Variants in SFPQ observed in about 807,000 individuals in gnomAD.
The protein encoded by SFPQ is splicing factor, proline- and glutamine-rich.
SFPQ carries 11 observed loss-of-function variants against 72.9 expected under a neutral mutation model. That is an observed-to-expected ratio of 0.15 (90% CI 0.09 to 0.25). The LOEUF (loss-of-function observed/expected upper bound fraction) is 0.25, where lower values mean the gene tolerates loss of function less well. Among genes scored for constraint, SFPQ ranks in the 10% least tolerant of loss-of-function variants. SFPQ has a pLI of 1.00. For missense variants in SFPQ, 847 were observed against 993.3 expected (o/e 0.85, Z 1.98); for synonymous variants, 506 against 367.3 (o/e 1.38, Z -4.32).
chr1:35,192,820 GGCTGCTGCGGTGGTGGCTGTT>G lies in SFPQ; in HGVS notation c.209_229del (p.Gln70_Gln76del), dbSNP rs754537179. On this transcript the variant is annotated inframe_deletion, in exon 1 of 10. Transcript: ENST00000357214. Reference sequence around the variant, plus strand: ...ATGCGGTGGCGGCTGCTGCGGCGGTGGCTGCTGCGGTGGTGGCTGTTGCTGCTGTTGGTGTGGAGGCGGTGG... The same window carrying G: ...ATGCGGTGGCGGCTGCTGCGGCGGTGGCTGCTGTTGGTGTGGAGGCGGTGG... The G allele has an allele frequency of 6.6e-7, 1 of 1,507,406 alleles. No individual in the cohort carries two copies. The highest frequency in any genetic ancestry group is 8.8e-7 in the Non-Finnish European group (1 of 1,134,768). 93.4% of individuals were successfully genotyped at this position (1,507,406 alleles called of 1,614,324 possible). A position where few individuals can be genotyped will look rare whatever the true frequency, so the allele number is the denominator to read the frequency against.
rs1639570518 is a variant in SFPQ at position 35,183,536 on chromosome 1, C to T, written c.*920G>A. 3 of 1,015,218 alleles carry T rather than the reference C, an allele frequency of 3.0e-6. No individual in the cohort carries two copies. The highest frequency in any genetic ancestry group is 3.5e-6 in the Non-Finnish European group (3 of 847,302). 62.9% of individuals were successfully genotyped at this position (1,015,218 alleles called of 1,614,324 possible). ...CCGGCCCAGTTACTAAACCTTCTTA[C>T]TTTCAAGTTTTGTTTTTTAGACTAC... On this transcript the variant is annotated 3_prime_UTR_variant, in exon 10 of 10. Transcript: ENST00000357214.
At chr1:35,181,814 G>A (rs1639481400), downstream of SFPQ, 1 of 984,528 alleles carries the variant, frequency 1.0e-6, no homozygotes, top group Admixed American at 6.2e-5. Context: ...ATTCACATTA[G>A]GCTAAAAACT....
At chr1:35,189,538 T>C (rs1052600240) in intron 4 of SFPQ, among the ~76,000 whole-genome samples, 156 bp from the exon 5 acceptor site, 77 of 152,286 alleles carry the variant, frequency 5.1e-4, no homozygotes, top group African/African-American at 1.9e-3. Context: ...ACAGCAAAAA[T>C]ACTCAGAACA....
At position 35,192,507 on chromosome 1, in the gene SFPQ, G is replaced by A; in HGVS notation, c.543C>T (p.Ala181=). The A allele has an allele frequency of 1.5e-6, 2 of 1,328,894 alleles. No individual in the cohort carries two copies. The highest frequency in any genetic ancestry group is 4.2e-5 in the Admixed American group (1 of 24,070). The allele number at this position is 1,328,894 out of a possible 1,614,324, so 82.3% of individuals were successfully genotyped here. Residue 181 remains alanine (A), a synonymous_variant, in exon 1 of 10, where the codon GCC becomes GCT. Transcript: ENST00000357214. The part of the protein sequence containing the change: ...SSGVPTTPPQ[A]GGPPPPPAAV... ...CCGCGGGCGGAGGCGGCGGGCCTCCGGCCTGAGGAGGTGTGGTAGGGACCC... is the reference window on the plus strand; with the variant it reads ...CCGCGGGCGGAGGCGGCGGGCCTCCAGCCTGAGGAGGTGTGGTAGGGACCC...
At chr1:35,179,252 G>A, downstream of SFPQ, 1 of 1,061,268 alleles carries the variant, frequency 9.4e-7, no homozygotes, top group Non-Finnish European at 1.1e-6. Context: ...TAGGAGACAT[G>A]CAACCCCCAT....
intron 9 of SFPQ, among the ~76,000 whole-genome samples, chr1:35,185,301 T>C (rs750466046): frequency 6.6e-6 from 1 of 152,232 alleles, no homozygotes; most frequent in Admixed American, 6.5e-5. Context: ...ACGTTCTCAG[T>C]ACTATTCTAT....
chr1:35,192,200 C>G (rs1443984819), intron 1 of SFPQ, 22 bp downstream of exon 1: 3 of 1,384,710 alleles, frequency 2.2e-6, no homozygotes, highest in African/African-American at 3.1e-5. Context: ...GGAGCCGACG[C>G]GTCGCTCCCA....
In SFPQ at chr1:35,183,023, C is replaced by A; in HGVS notation, c.*1433G>T. On this transcript the variant is annotated 3_prime_UTR_variant, in exon 10 of 10. Coordinates refer to ENST00000357214, the MANE Select transcript of SFPQ (RefSeq NM_005066.3). ...CTCCAGATTTAGTGCTACATGAAAA[C>A]GAAACTATGTGAAAACAAGTTAAAT... is the stretch of plus-strand genomic sequence containing the variant. 1 of 1,035,684 alleles carries A rather than the reference C, an allele frequency of 9.7e-7. No individual in the cohort carries two copies. The highest frequency in any genetic ancestry group is 1.2e-6 in the Non-Finnish European group (1 of 860,658). 64.2% of individuals were successfully genotyped at this position (1,035,684 alleles called of 1,614,324 possible). A position where few individuals can be genotyped will look rare whatever the true frequency, so the allele number is the denominator to read the frequency against.
chr1:35,184,242 AAAAT>A lies in SFPQ; in HGVS notation c.*210_*213del, dbSNP rs1396631446. 6.8e-5 allele frequency: 91 copies of A among 1,328,710 alleles called. No homozygotes were observed. The highest frequency in any genetic ancestry group is 8.5e-5 in the Non-Finnish European group (89 of 1,047,884). 82.3% of individuals were successfully genotyped at this position (1,328,710 alleles called of 1,614,324 possible). A position where few individuals can be genotyped will look rare whatever the true frequency, so the allele number is the denominator to read the frequency against. On this transcript the variant is annotated 3_prime_UTR_variant, in exon 10 of 10. Transcript: ENST00000357214. Reference sequence around the variant, plus strand: ...AGGGACATTATACAGTAAAAAAGAAAAAATAAAGAAATAAAAAGGAAAAAAAAAT... The same window carrying A: ...AGGGACATTATACAGTAAAAAAGAAAAAAGAAATAAAAAGGAAAAAAAAAT...
Position 35,189,102 on chromosome 1 carries a change from A to G in SFPQ, c.1613-15T>C, listed in dbSNP as rs778336226. 1.2e-6 allele frequency: 2 copies of G among 1,613,384 alleles called. No individual in the cohort carries two copies. The highest frequency in any genetic ancestry group is 1.7e-5 in the Admixed American group (1 of 60,004). On this transcript the variant is annotated splice_polypyrimidine_tract_variant and intron_variant, in intron 5 of 9. Transcript: ENST00000357214. The stretch of plus-strand genomic sequence containing the variant: ...TCTCATCAGATCTGAACATTGGAAA[A>G]TATTTGGATTCACATTAACAAGGTT...
At chr1:35,189,638 A>AT (rs1307675880) in intron 4 of SFPQ, among the ~76,000 whole-genome samples, 2 of 151,956 alleles carry the variant, frequency 1.3e-5, no homozygotes, top group African/African-American at 2.4e-5. Context: ...ACCGAGGCTT[A>AT]TTTTTTCCAC....
chr1:35,180,267 C>G, downstream of SFPQ: 1 of 1,050,316 alleles, frequency 9.5e-7, no homozygotes, highest in South Asian at 4.6e-5. Flanking sequence ...GAAGTGAGGT[C>G]TGGAACAACA....
At chr1:35,179,369 G>C (rs1423167629), downstream of SFPQ, 2 of 1,057,172 alleles carry the variant, frequency 1.9e-6, no homozygotes, top group Non-Finnish European at 2.3e-6. Flanking sequence ...AGCACCCATT[G>C]CATTTCTTTC....
rs1639949528 is a variant in SFPQ at position 35,190,601 on chromosome 1, C to CA, written c.1320-9dup. On this transcript the variant is annotated splice_polypyrimidine_tract_variant and intron_variant, in intron 3 of 9. Transcript: ENST00000357214. ...ATGACTGGACGAGGAGTTCTAATAA[C>CA]AAAAATGGTTCCATCTTAGCTTTGT... 6.2e-7 allele frequency: 1 copy of CA among 1,610,210 alleles called. No homozygotes were observed. The highest frequency in any genetic ancestry group is 1.3e-5 in the African/African-American group (1 of 74,824).
At position 35,191,356 on chromosome 1, in the gene SFPQ, G is replaced by A; in HGVS notation, c.1002C>T (p.Phe334=). 1 of 1,613,498 alleles carries A rather than the reference G, an allele frequency of 6.2e-7. No individual in the cohort carries two copies. Among genetic ancestry groups the A allele is most frequent in the Non-Finnish European group, 8.5e-7 (1 of 1,179,626 alleles). ...GEVFINKGKG[F]GFIKLESRAL... is the part of the protein sequence containing the mutation. ...TTACACTCACAAGCTTAATAAATCC[G>A]AATCCTTTGCCTTTGTTGATAAAAA... The change falls in exon 2 of 10, where the codon TTC becomes TTT. Residue 334 remains phenylalanine (F), a synonymous_variant. Coordinates refer to ENST00000357214, the MANE Select transcript of SFPQ (RefSeq NM_005066.3).
chr1:35,183,692 G>C lies in SFPQ; in HGVS notation c.*764C>G. ...GTTGGTCTTTTAAAAACAAGAAATG[G>C]GGAAATGCAACAAAATGACCTTTCC... On this transcript the variant is annotated 3_prime_UTR_variant, in exon 10 of 10. Coordinates refer to ENST00000357214, the MANE Select transcript of SFPQ (RefSeq NM_005066.3). 1 of 1,042,248 alleles carries C rather than the reference G, an allele frequency of 9.6e-7. No individual in the cohort carries two copies. The highest frequency in any genetic ancestry group is 1.2e-6 in the Non-Finnish European group (1 of 864,568). The allele number at this position is 1,042,248 out of a possible 1,614,324, so 64.6% of individuals were successfully genotyped here.
Position 35,187,987 on chromosome 1 carries a change from C to A in SFPQ, c.1801G>T (p.Gly601Cys), listed in dbSNP as rs1419878700. 1.2e-6 allele frequency: 2 copies of A among 1,612,708 alleles called. No homozygotes were observed. Among genetic ancestry groups the A allele is most frequent in the Non-Finnish European group, 1.7e-6 (2 of 1,178,718 alleles). The part of the protein sequence containing the change: ...RQREESYSRM[G>C]YMDPRERDMR... ...GGCTGACTTACTGGATCCATGTAGC[C>A]CATTCGGCTGTAACTTTCCTCTCTT... Residue 601 changes from glycine (G) to cysteine (C), a missense_variant, in exon 7 of 10, where the codon GGC (glycine) becomes TGC (cysteine). Transcript: ENST00000357214.
Position 35,184,301 on chromosome 1 carries a change from T to C in SFPQ, c.*155A>G. ...CTGTTCCAAACACTGCATTACATAA[T>C]TTTACCTGCCCAAACAGACCATTTA... On this transcript the variant is annotated 3_prime_UTR_variant, in exon 10 of 10. Transcript: ENST00000357214. The C allele has an allele frequency of 7.0e-7, 1 of 1,437,588 alleles. No individual in the cohort carries two copies. The allele number at this position is 1,437,588 out of a possible 1,614,324, so 89.1% of individuals were successfully genotyped here.
Position 35,187,189 on chromosome 1 carries a change from A to T in SFPQ, c.1864+14T>A. 6.2e-7 allele frequency: 1 copy of T among 1,614,022 alleles called. No individual in the cohort carries two copies. The highest frequency in any genetic ancestry group is 8.5e-7 in the Non-Finnish European group (1 of 1,179,970). On this transcript the variant is annotated intron_variant, in intron 8 of 9. Transcript: ENST00000357214. The stretch of plus-strand genomic sequence containing the variant: ...ACTCTCTACTTATATCATTAATTTA[A>T]ATTTCACACTTACCTCCCATGTTCA...
Sources: gnomAD v4.1 joint callset for allele counts (sites outside exome capture counted in the v4.1 genomes callset) on GRCh38, gnomAD v4.1.1 for gene constraint, MANE v1.5 for transcripts, NCBI Gene and HGNC (gene_info 2026-07-23, HGNC 2026-07-21) for gene names.